Variants in CFAP65 observed in about 807,000 individuals in gnomAD.
CFAP65 encodes the protein cilia- and flagella-associated protein 65.
CFAP65 carries 155 observed loss-of-function variants against 208.0 expected under a neutral mutation model. The observed-to-expected ratio is 0.75, with a 90% CI of 0.65 to 0.85. The LOEUF is 0.85. Ranked by LOEUF, CFAP65 falls within the 40% of genes least tolerant of loss-of-function variation. CFAP65 has a pLI of 0.00. For synonymous variants in CFAP65, 970 were observed against 986.3 expected (o/e 0.98, Z 0.31); for missense variants, 2,294 against 2,451.3 (o/e 0.94, Z 1.36).
rs1262446204 is a variant in CFAP65 at position 219,003,715 on chromosome 2, CT to C, written c.5555+236del. ...CAAGACTTTGCAGACTATAACAATT[CT>C]CCTGGTAAGTTGGTAAATGTCAACA... On this transcript the variant is annotated intron_variant, in intron 33 of 34. Transcript: ENST00000341552. The surrounding 1 kb of genome is among the most constrained non-coding windows in gnomAD (Gnocchi z 4.4). 6.6e-6 allele frequency among the ~76,000 whole-genome samples: 1 copy of C among 152,190 alleles called. No individual in the cohort carries two copies. Among genetic ancestry groups the C allele is most frequent in the Non-Finnish European group, 1.5e-5 (1 of 68,032 alleles).
At chr2:219,040,388 C>A in intron 2 of CFAP65, 131 bp downstream of exon 2, 82 of 626,332 alleles carry the variant, frequency 1.3e-4, no homozygotes, top group Middle Eastern at 2.6e-4. Flanking sequence ...CCCTGGTTTT[C>A]CTAGTTGGCA....
In CFAP65 at chr2:219,032,458, G is replaced by C; in HGVS notation, c.645+12C>G. 6.4e-7 allele frequency: 1 copy of C among 1,573,840 alleles called. No individual in the cohort carries two copies. The highest frequency in any genetic ancestry group is 8.6e-7 in the Non-Finnish European group (1 of 1,159,068). ...GTACCTCCCTGCCCTCACTCGCTGT[G>C]GCAGACCTTACCGCCTCCAGAGGCC... On this transcript the variant is annotated intron_variant, in intron 6 of 34. Coordinates refer to ENST00000341552, the MANE Select transcript of CFAP65 (RefSeq NM_194302.4). The surrounding 1 kb of genome is among the most constrained non-coding windows in gnomAD (Gnocchi z 5.5).
chr2:219,017,277 C>G (rs1202159083), intron 21 of CFAP65, among the ~76,000 whole-genome samples: 2 of 152,156 alleles, frequency 1.3e-5, no homozygotes, highest in Non-Finnish European at 2.9e-5. Context: ...AATGCAAGAC[C>G]CTACGAAGGC....
chr2:219,026,319 C>T (rs1270811638), intron 13 of CFAP65, among the ~76,000 whole-genome samples, 160 bp from the exon 14 acceptor site: 1 of 152,190 alleles, frequency 6.6e-6, no homozygotes, highest in Admixed American at 6.5e-5. Flanking sequence ...AGAATCCCAA[C>T]CCAGCCCCTC....
chr2:219,024,029 G>C lies in CFAP65; in HGVS notation c.2581C>G (p.Pro861Ala), dbSNP rs750856720. ...HTFYLQCNAS[P>A]QYLKEVSMYS... ...CTGCCTCCTACCTTGAGATACTGGG[G>C]GGAAGCATTGCACTGCAGATAGAAA... The change falls in exon 15 of 35, where the codon CCC (proline) becomes GCC (alanine). Residue 861 changes from proline to alanine, a missense_variant. Coordinates refer to ENST00000341552, the MANE Select transcript of CFAP65 (RefSeq NM_194302.4). 1.9e-6 allele frequency: 3 copies of C among 1,613,568 alleles called. No homozygotes were observed. Among genetic ancestry groups the C allele is most frequent in the Non-Finnish European group, 1.7e-6 (2 of 1,179,844 alleles).
intron 4 of CFAP65, among the ~76,000 whole-genome samples, chr2:219,037,686 G>A (rs1948446995): frequency 6.6e-6 from 1 of 152,162 alleles, no homozygotes; most frequent in African/African-American, 2.4e-5. Context: ...GCAGGGAAGG[G>A]CAGTGAGTGA....
At chr2:219,040,886 C>T (rs565885129) in intron 1 of CFAP65, among the ~76,000 whole-genome samples, 1 of 152,306 alleles carries the variant, frequency 6.6e-6, no homozygotes, top group Non-Finnish European at 1.5e-5. Flanking sequence ...TCAGCCTCCT[C>T]GCCTGTAAAA....
chr2:219,035,909 GC>G (rs1176323784), intron 4 of CFAP65, among the ~76,000 whole-genome samples: 1 of 152,152 alleles, frequency 6.6e-6, no homozygotes, highest in Non-Finnish European at 1.5e-5. Flanking sequence ...TGCAACTAGA[GC>G]CCCTGCCCCT....
intron 18 of CFAP65, among the ~76,000 whole-genome samples, 193 bp downstream of exon 18, chr2:219,021,587 G>A (rs1213000922): frequency 3.9e-5 from 6 of 152,172 alleles, no homozygotes; most frequent in African/African-American, 1.2e-4. Flanking sequence ...CAGGCTAGAG[G>A]GCAGTGGCTC....
At chr2:219,006,422 C>T (rs1487369640) in intron 30 of CFAP65, 43 bp downstream of exon 30, 2 of 1,611,514 alleles carry the variant, frequency 1.2e-6, no homozygotes, top group East Asian at 4.5e-5. Context: ...AAGGACCCTC[C>T]CAAGTTGTCC....
chr2:219,011,458 T>TA (rs898690567), intron 24 of CFAP65, among the ~76,000 whole-genome samples: 8 of 151,938 alleles, frequency 5.3e-5, no homozygotes, highest in African/African-American at 1.5e-4. Flanking sequence ...AATATATATA[T>TA]TTTTTAGAGA....
In CFAP65 at chr2:219,031,335, G is replaced by A; in HGVS notation, c.816-30C>T. 6.2e-7 allele frequency: 1 copy of A among 1,610,050 alleles called. No homozygotes were observed. The highest frequency in any genetic ancestry group is 1.1e-5 in the South Asian group (1 of 90,894). ...GGGTGGGGGGCAGGTCAGGGCACTG[G>A]GCTCCCGGCCCCTGCTCCTGCAGTA... On this transcript the variant is annotated intron_variant, in intron 7 of 34. Transcript: ENST00000341552. The surrounding 1 kb of genome is among the most constrained non-coding windows in gnomAD (Gnocchi z 5.2).
rs1329602680 is a variant in CFAP65, at chr2:219,023,204, C to G, written c.2820+3G>C. ...GTCACTCGGCAGGAGGGGAGCCACT[C>G]ACAAGTCTCTCGTTGGGCTGGATTA... On this transcript the variant is annotated splice_donor_region_variant and intron_variant, in intron 16 of 34. Coordinates refer to ENST00000341552, the MANE Select transcript of CFAP65 (RefSeq NM_194302.4). 6.2e-7 allele frequency: 1 copy of G among 1,610,462 alleles called. No homozygotes were observed.
chr2:219,041,487 C>G lies in CFAP65; in HGVS notation c.-49+1G>C. 1 of 1,550,614 alleles carries G rather than the reference C, an allele frequency of 6.4e-7. No individual in the cohort carries two copies. Among genetic ancestry groups the G allele is most frequent in the East Asian group, 2.4e-5 (1 of 40,928 alleles). ...CCTTGGGACTAACGCTCAGAACTTA[C>G]ATCGCCTCCATATTGCCGTCTCCAT... On this transcript the variant is annotated splice_donor_variant, in intron 1 of 34. Coordinates refer to ENST00000341552, the MANE Select transcript of CFAP65 (RefSeq NM_194302.4). LOFTEE classifies it low-confidence loss of function (5UTR_SPLICE).
Position 219,009,041 on chromosome 2 carries a change from C to T in CFAP65, c.4674+6G>A. 1 of 1,608,140 alleles carries T rather than the reference C, an allele frequency of 6.2e-7. No individual in the cohort carries two copies. ...GGGTGTTTGAGATCTACTCAGCCCTCCTCACCTTCACTTTCATGTCGGTGA... is the reference window on the plus strand; with the variant it reads ...GGGTGTTTGAGATCTACTCAGCCCTTCTCACCTTCACTTTCATGTCGGTGA... On this transcript the variant is annotated splice_donor_region_variant and intron_variant, in intron 29 of 34. Transcript: ENST00000341552.
chr2:219,022,349 C>A lies in CFAP65; in HGVS notation c.2821-20G>T, dbSNP rs1186964841. On this transcript the variant is annotated intron_variant, in intron 16 of 34. Coordinates refer to ENST00000341552, the MANE Select transcript of CFAP65 (RefSeq NM_194302.4). ...CAGCGTCTGGGGTCACAGAAATGATCCCTGCAGTGGCCTTCGGAAGCCCCT... is the reference window on the plus strand; with the variant it reads ...CAGCGTCTGGGGTCACAGAAATGATACCTGCAGTGGCCTTCGGAAGCCCCT... The A allele has an allele frequency of 3.2e-6, 5 of 1,582,616 alleles. No homozygotes were observed. In the East Asian group the frequency reaches 1.1e-4, roughly 36 times the overall value.
chr2:219,009,138 AGCT>A lies in CFAP65; in HGVS notation c.4580_4582del (p.Gln1527del). ...CAGCTCCTTGTGATACTGCCTCATG[AGCT>A]GCTGCGAGTACAGCTATGGCCCAGG... On this transcript the variant is annotated inframe_deletion, in exon 29 of 35. Transcript: ENST00000341552. The A allele has an allele frequency of 6.2e-7, 1 of 1,612,686 alleles. No homozygotes were observed. Among genetic ancestry groups the A allele is most frequent in the East Asian group, 2.2e-5 (1 of 44,874 alleles).
Position 219,013,530 on chromosome 2 carries a change from G to A in CFAP65, c.3835C>T (p.Arg1279Trp), listed in dbSNP as rs375964126. ...TGCTGGGGCCTCACCAGGATCTCCC[G>A]GCCATGGGACACCTTGAAGAGCACT... is the stretch of plus-strand genomic sequence containing the variant. ...LPVLFKVSHGREILLNFIGVT... is the reference protein window; with the variant it reads ...LPVLFKVSHGWEILLNFIGVT... Residue 1279 changes from arginine to tryptophan, a missense_variant, in exon 23 of 35, where the codon CGG (arginine) becomes TGG (tryptophan). By Grantham distance (101) the Arg-to-Trp change is moderately radical (BLOSUM62 -3). Coordinates refer to ENST00000341552, the MANE Select transcript of CFAP65 (RefSeq NM_194302.4). The A allele has an allele frequency of 4.3e-5, 68 of 1,599,562 alleles. No homozygotes were observed. The highest frequency in any genetic ancestry group is 6.8e-5 in the East Asian group (3 of 44,422).
intron 2 of CFAP65, among the ~76,000 whole-genome samples, 152 bp downstream of exon 2, chr2:219,040,367 G>T (rs1666546114): frequency 6.6e-6 from 1 of 152,074 alleles, no homozygotes; most frequent in Non-Finnish European, 1.5e-5. Flanking sequence ...CAAAGCGGAA[G>T]ATTCTGTTGA....
Sources: allele counts gnomAD v4.1 joint callset (sites outside exome capture counted in the v4.1 genomes callset), GRCh38; gene constraint gnomAD v4.1.1; non-coding constraint Gnocchi (gnomAD v3.1); transcripts MANE v1.5; gene names NCBI Gene and HGNC (gene_info 2026-07-23, HGNC 2026-07-21).